SMYD3: variants seen among roughly 807,000 people sequenced by gnomAD.
SMYD3 encodes histone-lysine N-methyltransferase SMYD3.
SMYD3 carries 36 observed loss-of-function variants against 57.7 expected under a neutral mutation model. That is an observed-to-expected ratio of 0.62 (90% CI 0.48 to 0.82). The LOEUF is 0.82. Ranked by LOEUF, SMYD3 falls within the 40% of genes least tolerant of loss-of-function variation. The pLI is 0.00. For missense variants in SMYD3, 515 were observed against 538.8 expected, an observed-to-expected ratio of 0.96 and a Z score of 0.44; for synonymous variants, 211 against 195.0, an observed-to-expected ratio of 1.08 and a Z score of -0.68.
chr1:245,993,151 A>G (rs569975779), intron 5 of SMYD3, among the ~76,000 whole-genome samples: 70 of 152,306 alleles, frequency 4.6e-4, no homozygotes, highest in African/African-American at 1.7e-3. Context: ...TTGAAGCGTT[A>G]CACCCTTATT....
At chr1:245,961,833 C>A (rs2058017589) in intron 5 of SMYD3, among the ~76,000 whole-genome samples, 1 of 152,158 alleles carries the variant, frequency 6.6e-6, no homozygotes, top group Admixed American at 6.5e-5. Context: ...AGCCGGGATT[C>A]CTGTTTCCTC....
Position 246,305,582 on chromosome 1 carries a change from G to A in SMYD3, c.531+21619C>T, listed in dbSNP as rs10924682. The stretch of plus-strand genomic sequence containing the variant: ...ACACCATGTCAAATAAACAAATAAG[G>A]ATGATAAAGGAAATATAGCTATTTG... On this transcript the variant is annotated intron_variant, in intron 5 of 11. Transcript: ENST00000490107. 1.2e-3 allele frequency among the ~76,000 whole-genome samples: 177 copies of A among 152,206 alleles called. 2 individuals are homozygous for A. The highest frequency in any genetic ancestry group is 4.0e-3 in the African/African-American group (167 of 41,534).
intron 10 of SMYD3, among the ~76,000 whole-genome samples, chr1:245,766,277 C>G (rs2046093509): frequency 6.6e-6 from 1 of 151,816 alleles, no homozygotes; most frequent in African/African-American, 2.4e-5. Flanking sequence ...GTGGCAGGCG[C>G]CTGTAGTCCC....
At chr1:246,172,421 T>C (rs568005317) in intron 5 of SMYD3, among the ~76,000 whole-genome samples, 1 of 135,900 alleles carries the variant, frequency 7.4e-6, no homozygotes, top group South Asian at 2.5e-4. Flanking sequence ...TTATCAACAC[T>C]ACACACTTAG....
intron 8 of SMYD3, among the ~76,000 whole-genome samples, chr1:245,866,174 G>A (rs754846596): frequency 6.6e-6 from 1 of 152,122 alleles, no homozygotes. Context: ...ACAAAGGGAG[G>A]GGCAGAGCAC....
chr1:246,098,826 T>TCA (rs2060960541), intron 5 of SMYD3, among the ~76,000 whole-genome samples: 4 of 124,582 alleles, frequency 3.2e-5, no homozygotes, highest in Non-Finnish European at 7.8e-5. Context: ...GTATATACAC[T>TCA]CACACACACA....
intron 5 of SMYD3, among the ~76,000 whole-genome samples, chr1:246,084,884 T>C (rs1350669345): frequency 6.6e-6 from 1 of 152,192 alleles, no homozygotes; most frequent in Non-Finnish European, 1.5e-5. Flanking sequence ...ATCTAGTAAA[T>C]AATTACAAAT....
chr1:246,151,247 A>G, intron 5 of SMYD3, among the ~76,000 whole-genome samples: 1 of 78,612 alleles, frequency 1.3e-5, no homozygotes, highest in Non-Finnish European at 2.1e-5. Context: ...CTCTGTCTCA[A>G]AAAAAAAAAA....
At chr1:246,454,252 C>T (rs1172334631) in intron 1 of SMYD3, among the ~76,000 whole-genome samples, 1 of 152,092 alleles carries the variant, frequency 6.6e-6, no homozygotes, top group Non-Finnish European at 1.5e-5. Flanking sequence ...GCACCATAAT[C>T]AGTCAGTCAG....
intron 11 of SMYD3, among the ~76,000 whole-genome samples, chr1:245,760,085 T>C (rs2045780217): frequency 6.6e-6 from 1 of 152,306 alleles, no homozygotes; most frequent in Non-Finnish European, 1.5e-5. Context: ...ATCACAAGAA[T>C]TTCAGCTGAG....
chr1:246,102,112 CCTT>C, intron 5 of SMYD3, among the ~76,000 whole-genome samples: 1 of 152,186 alleles, frequency 6.6e-6, no homozygotes, highest in Non-Finnish European at 1.5e-5. Flanking sequence ...AACTCATCAT[CCTT>C]CTTCCCAGCA....
chr1:246,142,948 T>C (rs2061781645), intron 5 of SMYD3, among the ~76,000 whole-genome samples: 1 of 152,132 alleles, frequency 6.6e-6, no homozygotes, highest in African/African-American at 2.4e-5. Context: ...GGGTAGAAAG[T>C]TCTGTGCAAG....
intron 1 of SMYD3, among the ~76,000 whole-genome samples, chr1:246,480,067 T>C (rs530058043): frequency 1.1e-4 from 16 of 152,352 alleles, no homozygotes; most frequent in African/African-American, 3.8e-4. Context: ...TTCAAGGATC[T>C]TTTTTTAATT....
intron 10 of SMYD3, chr1:245,814,522 C>A: frequency 2.1e-6 from 1 of 480,114 alleles, no homozygotes; most frequent in Non-Finnish European, 2.7e-6. Flanking sequence ...AAGTCTTGCC[C>A]TTCTAGTACT....
chr1:246,194,260 TG>T (rs1572192878), intron 5 of SMYD3, among the ~76,000 whole-genome samples: 3 of 151,110 alleles, frequency 2.0e-5, no homozygotes, highest in East Asian at 3.9e-4. Context: ...ACAGTTCTTG[TG>T]GGGTTTTTTT....
intron 5 of SMYD3, among the ~76,000 whole-genome samples, chr1:246,312,764 A>G (rs2065100443): frequency 6.6e-6 from 1 of 152,210 alleles, no homozygotes; most frequent in Non-Finnish European, 1.5e-5. Context: ...AGGTAACCAG[A>G]GACAAATCAG....
At chr1:245,859,547 T>C (rs1027772663) in intron 9 of SMYD3, among the ~76,000 whole-genome samples, 4 of 152,086 alleles carry the variant, frequency 2.6e-5, no homozygotes, top group Admixed American at 2.0e-4. Flanking sequence ...TTATGGAGCG[T>C]AATTTTAATC....
In SMYD3 at chr1:245,974,475, G is replaced by A. The variant is rs549254985; in HGVS notation, c.532-44538C>T. On this transcript the variant is annotated intron_variant, in intron 5 of 11. Coordinates refer to ENST00000490107, the MANE Select transcript of SMYD3 (RefSeq NM_001167740.2). Reference sequence around the variant, plus strand: ...CCTATGCCAACCTCCTAAAGCCATCGTCTCCGGCCCAGGGAAAGCCATCGT... The same window carrying A: ...CCTATGCCAACCTCCTAAAGCCATCATCTCCGGCCCAGGGAAAGCCATCGT... 4.0e-5 allele frequency among the ~76,000 whole-genome samples: 6 copies of A among 150,740 alleles called. No individual in the cohort carries two copies. In the East Asian group the frequency reaches 1.2e-3, roughly 29 times the overall value.
chr1:246,480,727 T>C (rs1214535027), intron 1 of SMYD3, among the ~76,000 whole-genome samples: 2 of 152,208 alleles, frequency 1.3e-5, no homozygotes, highest in Non-Finnish European at 2.9e-5. Context: ...CTATGCTATT[T>C]TGGGTCCTTC....
Sources: allele counts gnomAD v4.1 joint callset (sites outside exome capture counted in the v4.1 genomes callset), GRCh38; gene constraint gnomAD v4.1.1; transcripts MANE v1.5; gene names NCBI Gene and HGNC (gene_info 2026-07-23, HGNC 2026-07-21).